SGCD: variants seen among roughly 807,000 people sequenced by gnomAD.
SGCD encodes the protein delta-sarcoglycan.
A neutral mutation model predicts 36.6 loss-of-function variants in SGCD; 18 were observed. That is an observed-to-expected ratio of 0.49 (90% confidence interval 0.34 to 0.73). The LOEUF is 0.73. Among genes scored for constraint, SGCD ranks in the 30% least tolerant of loss-of-function variants. The probability of loss-of-function intolerance (pLI) is 0.01; values close to 1 mark genes in which losing one functional copy is unlikely to be tolerated. For synonymous variants in SGCD, 133 were observed against 130.6 expected (o/e 1.02, Z -0.12); for missense variants, 387 against 346.7 (o/e 1.12, Z -0.92).
chr5:155,741,527 G>T, the SGCD span, among the ~76,000 whole-genome samples: 3 of 152,068 alleles, frequency 2.0e-5, no homozygotes, highest in Admixed American at 2.0e-4. Context: ...TTTCTAGAAA[G>T]AATCTATTTG....
At chr5:156,410,853 T>C (rs1273226288) in intron 3 of SGCD, among the ~76,000 whole-genome samples, 1 of 152,130 alleles carries the variant, frequency 6.6e-6, no homozygotes, top group African/African-American at 2.4e-5. Context: ...CCCACTCCTC[T>C]TTTCTGGAAT....
chr5:156,545,289 G>A (rs982251979), intron 4 of SGCD, among the ~76,000 whole-genome samples: 6 of 152,130 alleles, frequency 3.9e-5, no homozygotes, highest in Non-Finnish European at 7.4e-5. Context: ...TTTATCAAGA[G>A]TAGTGGATTG....
At chr5:156,726,960 T>C (rs1226342771) in intron 7 of SGCD, among the ~76,000 whole-genome samples, 1 of 152,222 alleles carries the variant, frequency 6.6e-6, no homozygotes, top group Non-Finnish European at 1.5e-5. Context: ...AACAGTACAT[T>C]GTCCTATTCT....
intron 6 of SGCD, among the ~76,000 whole-genome samples, chr5:156,640,497 A>C (rs1762989422): frequency 6.6e-6 from 1 of 152,220 alleles, no homozygotes; most frequent in Non-Finnish European, 1.5e-5. Context: ...AATAAAACTT[A>C]TTAAGAGCAA....
chr5:155,988,349 C>T (rs986291666), intron 1 of SGCD, among the ~76,000 whole-genome samples: 4 of 152,108 alleles, frequency 2.6e-5, no homozygotes, highest in African/African-American at 4.8e-5. Flanking sequence ...GACTCCCCCC[C>T]GACCCCATAG....
intron 4 of SGCD, among the ~76,000 whole-genome samples, chr5:156,565,918 G>A (rs1489351057): frequency 3.3e-5 from 5 of 152,100 alleles, no homozygotes; most frequent in East Asian, 1.9e-4. Flanking sequence ...AGTGTATTAT[G>A]TGCCACATTT....
In SGCD at chr5:156,718,711, A is replaced by G. The variant is rs1020694097; in HGVS notation, c.576-38870A>G. Among the ~76,000 whole-genome samples the G allele has an allele frequency of 8.6e-5, 13 of 151,594 alleles. 1 individual carries two copies. Among genetic ancestry groups the G allele is most frequent in the Admixed American group, 7.2e-4 (11 of 15,210 alleles). Reference sequence around the variant, plus strand: ...GAAATGGGCATGGTGGCTCACATCTATAATACCAGCACTTTGGGAGGTTGA... The same window carrying G: ...GAAATGGGCATGGTGGCTCACATCTGTAATACCAGCACTTTGGGAGGTTGA... On this transcript the variant is annotated intron_variant, in intron 7 of 8. Transcript: ENST00000337851.
chr5:156,137,755 A>C (rs1393758141), intron 3 of SGCD, among the ~76,000 whole-genome samples: 1 of 152,162 alleles, frequency 6.6e-6, no homozygotes, highest in Non-Finnish European at 1.5e-5. Context: ...TGGGGCCGGC[A>C]GCATTACTGG....
At chr5:156,645,559 A>G (rs1763194799) in intron 6 of SGCD, among the ~76,000 whole-genome samples, 1 of 152,214 alleles carries the variant, frequency 6.6e-6, no homozygotes, top group Non-Finnish European at 1.5e-5. Flanking sequence ...AAAGATGAGC[A>G]TGTAAAGGAG....
chr5:156,485,770 G>GAACA (rs1755629906), intron 3 of SGCD, among the ~76,000 whole-genome samples: 1 of 152,142 alleles, frequency 6.6e-6, no homozygotes, highest in Non-Finnish European at 1.5e-5. Flanking sequence ...GTCTTTGTGA[G>GAACA]AACACTGAAA....
At chr5:156,644,819 G>A (rs1343577074) in intron 6 of SGCD, among the ~76,000 whole-genome samples, 1 of 152,102 alleles carries the variant, frequency 6.6e-6, no homozygotes, top group Non-Finnish European at 1.5e-5. Context: ...TGACATCTGG[G>A]ACACTTTGAG....
intron 1 of SGCD, among the ~76,000 whole-genome samples, chr5:156,058,576 G>A (rs542075243): frequency 6.9e-6 from 1 of 145,600 alleles, no homozygotes; most frequent in South Asian, 2.2e-4. Flanking sequence ...CTGATCAATA[G>A]CAATGCGTGG....
intron 1 of SGCD, among the ~76,000 whole-genome samples, chr5:156,068,861 C>G (rs898151275): frequency 6.6e-6 from 1 of 152,010 alleles, no homozygotes. Flanking sequence ...ATTTGCATTT[C>G]TCTGATAGCC....
chr5:156,400,740 T>G (rs1459841349), intron 3 of SGCD, among the ~76,000 whole-genome samples: 1 of 152,210 alleles, frequency 6.6e-6, no homozygotes, highest in Non-Finnish European at 1.5e-5. Flanking sequence ...ACATGCAGCT[T>G]TTTACTTCTT....
chr5:156,588,136 A>G (rs1760571981), intron 4 of SGCD, among the ~76,000 whole-genome samples: 1 of 150,852 alleles, frequency 6.6e-6, no homozygotes, highest in South Asian at 2.1e-4. Context: ...TTATGGCTTT[A>G]GTTTCCTCTA....
At chr5:156,142,713 C>A (rs540077331) in intron 3 of SGCD, among the ~76,000 whole-genome samples, 1 of 152,070 alleles carries the variant, frequency 6.6e-6, no homozygotes, top group African/African-American at 2.4e-5. Context: ...TTAGGGTATC[C>A]GGTGGATGAA....
chr5:156,281,207 G>A (rs2127673283), intron 3 of SGCD, among the ~76,000 whole-genome samples: 1 of 152,194 alleles, frequency 6.6e-6, no homozygotes, highest in East Asian at 1.9e-4. Flanking sequence ...TTCATTTAGG[G>A]ATTAGATTAC....
intron 3 of SGCD, among the ~76,000 whole-genome samples, chr5:156,145,695 A>G (rs1368743160): frequency 1.3e-5 from 2 of 152,218 alleles, no homozygotes; most frequent in Non-Finnish European, 2.9e-5. Flanking sequence ...TTCAAGAAGG[A>G]TACACTCAAG....
the SGCD span, among the ~76,000 whole-genome samples, chr5:155,748,689 G>C: frequency 6.6e-6 from 1 of 152,158 alleles, no homozygotes; most frequent in Admixed American, 6.5e-5. Context: ...AATTCATTTG[G>C]GGGACACCAC....
Sources: gnomAD v4.1 joint callset for allele counts (sites outside exome capture counted in the v4.1 genomes callset) on GRCh38, gnomAD v4.1.1 for gene constraint, MANE v1.5 for transcripts, NCBI Gene and HGNC (gene_info 2026-07-23, HGNC 2026-07-21) for gene names.